The following MTMR7 variants were observed in gnomAD, a reference collection of about 807,000 sequenced individuals.
MTMR7 encodes myotubularin related protein 7.
In MTMR7, 76 loss-of-function variants were observed where a neutral mutation model predicts 81.2. That is an observed-to-expected ratio of 0.94 (90% CI 0.78 to 1.13). MTMR7 has a LOEUF of 1.13. MTMR7 is among the 50% of genes most tolerant of loss of function. The probability of loss-of-function intolerance (pLI) is 0.00; values close to 1 mark genes in which losing one functional copy is unlikely to be tolerated. For synonymous variants in MTMR7, 372 were observed against 289.8 expected (o/e 1.28, Z -2.88); for missense variants, 1,044 against 820.0 (o/e 1.27, Z -3.34).
intron 3 of MTMR7, among the ~76,000 whole-genome samples, chr8:17,366,885 C>CAAAAA (rs1277882494): frequency 3.4e-5 from 3 of 88,188 alleles, no homozygotes; most frequent in African/African-American, 1.8e-4. Context: ...GACTCCATCT[C>CAAAAA]AAAAAAAAAA....
intron 7 of MTMR7, among the ~76,000 whole-genome samples, chr8:17,317,986 T>C (rs1425551027): frequency 6.6e-6 from 1 of 152,118 alleles, no homozygotes; most frequent in Non-Finnish European, 1.5e-5. Flanking sequence ...TGTGTTTAAC[T>C]GGAACAGAAA....
chr8:17,397,835 T>C (rs1821308370), intron 1 of MTMR7, among the ~76,000 whole-genome samples: 1 of 152,132 alleles, frequency 6.6e-6, no homozygotes, highest in Non-Finnish European at 1.5e-5. Flanking sequence ...ACAGGGGTAC[T>C]TGTGTCACCC....
At chr8:17,410,730 C>T (rs1429909868) in intron 1 of MTMR7, among the ~76,000 whole-genome samples, 2 of 152,214 alleles carry the variant, frequency 1.3e-5, no homozygotes. Flanking sequence ...GCATCTGTCT[C>T]CTTAAACTGC....
intron 1 of MTMR7, among the ~76,000 whole-genome samples, chr8:17,374,260 T>G (rs962098278): frequency 1.3e-5 from 2 of 152,064 alleles, no homozygotes; most frequent in African/African-American, 4.8e-5. Context: ...CCGAGGCGAG[T>G]GGATCACCTG....
Position 17,341,354 on chromosome 8 carries a change from G to A in MTMR7, c.732+9C>T, listed in dbSNP as rs1465771473. The A allele has an allele frequency of 6.2e-7, 1 of 1,613,898 alleles. No individual in the cohort carries two copies. The highest frequency in any genetic ancestry group is 8.5e-7 in the Non-Finnish European group (1 of 1,179,838). ...GTGCAAAGACATGCATCGCAACGGTGACACTTACTTTAGGCCGGGTGTCAA... is the reference window on the plus strand; with the variant it reads ...GTGCAAAGACATGCATCGCAACGGTAACACTTACTTTAGGCCGGGTGTCAA... On this transcript the variant is annotated intron_variant, in intron 6 of 13. Transcript: ENST00000180173.
At position 17,349,063 on chromosome 8, in the gene MTMR7, T is replaced by G. The variant is rs750247144; in HGVS notation, c.487A>C (p.Thr163Pro). The G allele has an allele frequency of 3.7e-5, 60 of 1,611,956 alleles. No individual in the cohort carries two copies. The highest frequency in any genetic ancestry group is 4.8e-5 in the Non-Finnish European group (57 of 1,179,736). Residue 163 changes from threonine (T) to proline (P), a missense_variant, in exon 5 of 14, where the codon ACT becomes CCT. Coordinates refer to ENST00000180173, the MANE Select transcript of MTMR7 (RefSeq NM_004686.5). ...GCCGATTTGGGAACGTACAGTTCAG[T>G]AGGATAAGAGTCACAGACCTGTCAC... ...RDYRVCDSYPTELYVPKSATA... is the reference protein window; with the variant it reads ...RDYRVCDSYPPELYVPKSATA...
intron 5 of MTMR7, among the ~76,000 whole-genome samples, chr8:17,342,101 G>T (rs1989759): frequency 0.096 from 14,476 of 151,442 alleles, 689 homozygotes; most frequent in Middle Eastern, 0.12. Flanking sequence ...ATTTTTTTTT[G>T]GAATCAATCT....
chr8:17,300,735 G>A (rs1007112018), intron 13 of MTMR7, among the ~76,000 whole-genome samples: 5 of 152,138 alleles, frequency 3.3e-5, no homozygotes, highest in Non-Finnish European at 4.4e-5. Context: ...CTCCCCTGCC[G>A]AAAGAAAACC....
intron 1 of MTMR7, among the ~76,000 whole-genome samples, chr8:17,392,621 C>T (rs942638686): frequency 2.0e-5 from 3 of 152,186 alleles, no homozygotes; most frequent in African/African-American, 7.2e-5. Context: ...GCTTCCTGAG[C>T]GAAACTTGAC....
At chr8:17,393,528 A>G (rs149873894) in intron 1 of MTMR7, among the ~76,000 whole-genome samples, 142 of 152,360 alleles carry the variant, frequency 9.3e-4, no homozygotes, top group African/African-American at 3.0e-3. Flanking sequence ...CAACATTAAA[A>G]AGACAGATAA....
intron 4 of MTMR7, among the ~76,000 whole-genome samples, chr8:17,360,524 C>A (rs527480109): frequency 6.6e-6 from 1 of 151,226 alleles, no homozygotes; most frequent in South Asian, 2.1e-4. Context: ...TCTCACATTA[C>A]TTTTGTTACT....
intron 1 of MTMR7, among the ~76,000 whole-genome samples, chr8:17,398,186 T>A (rs1821317912): frequency 6.6e-6 from 1 of 151,998 alleles, no homozygotes; most frequent in Admixed American, 6.5e-5. Context: ...AAAACATGAC[T>A]TTACCAAATG....
intron 3 of MTMR7, among the ~76,000 whole-genome samples, chr8:17,370,128 GTTTT>G (rs201807333): frequency 7.0e-6 from 1 of 141,938 alleles, no homozygotes; most frequent in Admixed American, 7.1e-5. Context: ...ACCACATTAA[GTTTT>G]TTTTTTTTTT....
chr8:17,339,657 T>G (rs1432063364), intron 6 of MTMR7, among the ~76,000 whole-genome samples: 1 of 152,264 alleles, frequency 6.6e-6, no homozygotes, highest in East Asian at 1.9e-4. Flanking sequence ...TCTCCATTTA[T>G]GAACATTTGG....
chr8:17,367,555 G>C (rs748028801), intron 3 of MTMR7, among the ~76,000 whole-genome samples: 2 of 152,190 alleles, frequency 1.3e-5, no homozygotes, highest in Non-Finnish European at 2.9e-5. Flanking sequence ...GGCATGTTAT[G>C]TTTTGCCTGA....
intron 1 of MTMR7, among the ~76,000 whole-genome samples, chr8:17,402,672 C>G (rs1332868994): frequency 1.3e-5 from 2 of 152,168 alleles, no homozygotes; most frequent in African/African-American, 4.8e-5. Flanking sequence ...TTGATGGCCA[C>G]TTAGTTTGCT....
chr8:17,300,154 T>C lies in MTMR7; in HGVS notation c.1691A>G (p.Lys564Arg). 3 of 1,614,180 alleles carry C rather than the reference T, an allele frequency of 1.9e-6. No homozygotes were observed. Among genetic ancestry groups the C allele is most frequent in the Non-Finnish European group, 2.5e-6 (3 of 1,180,010 alleles). ...KVKSKQSEPS[K>R]HSGFSTSDNS... is the part of the protein sequence containing the mutation. ...GTCTGAGGTAGAAAACCCTGAGTGC[T>C]TGCTGGGCTCACTTTGCTTACTCTT... The change falls in exon 14 of 14, where the codon AAG (lysine) becomes AGG (arginine). Residue 564 changes from lysine (K) to arginine (R), a missense_variant. Transcript: ENST00000180173.
chr8:17,378,243 G>C (rs1394502123), intron 1 of MTMR7, among the ~76,000 whole-genome samples: 2 of 152,074 alleles, frequency 1.3e-5, no homozygotes, highest in Non-Finnish European at 2.9e-5. Flanking sequence ...AAGAAATAAG[G>C]AGGGGAACAC....
At chr8:17,363,496 A>C (rs1820120472) in intron 3 of MTMR7, among the ~76,000 whole-genome samples, 1 of 152,216 alleles carries the variant, frequency 6.6e-6, no homozygotes, top group African/African-American at 2.4e-5. Context: ...AGGCAACGAA[A>C]TTATCCATAA....
Sources: allele counts gnomAD v4.1 joint callset (sites outside exome capture counted in the v4.1 genomes callset), GRCh38; gene constraint gnomAD v4.1.1; transcripts MANE v1.5; gene names NCBI Gene and HGNC (gene_info 2026-07-23, HGNC 2026-07-21).